Variants in NLRP4 observed in about 807,000 individuals in gnomAD.
The protein encoded by NLRP4 is NLR family pyrin domain containing 4, also known as NACHT, LRR and PYD domains-containing protein 4.
NLRP4 carries 44 observed loss-of-function variants against 84.7 expected under a neutral mutation model. That is an observed-to-expected ratio of 0.52 (90% CI 0.41 to 0.67). The LOEUF (loss-of-function observed/expected upper bound fraction) is 0.67. NLRP4 is among the 30% of genes least tolerant of loss of function. The pLI is 0.00. For synonymous variants in NLRP4, 544 were observed against 476.4 expected (o/e 1.14, Z -1.85); for missense variants, 1,260 against 1,219.4 (o/e 1.03, Z -0.50).
rs1984194202 is a variant in NLRP4, at chr19:55,852,246, G to A, written c.166G>A (p.Ala56Thr). The change falls in exon 2 of 10, where the codon GCA becomes ACA. Residue 56 changes from alanine (A) to threonine (T), a missense_variant. By Grantham distance (58) the Ala-to-Thr change is moderately conservative. Transcript: ENST00000301295. ...EVKKASREELANLLIKHYEEQ... is the reference protein window; with the variant it reads ...EVKKASREELTNLLIKHYEEQ... The stretch of plus-strand genomic sequence containing the variant: ...CAAAAAAGCATCCCGGGAAGAACTT[G>A]CAAACCTCTTGATCAAGCACTATGA... 6.2e-7 allele frequency: 1 copy of A among 1,609,560 alleles called. No homozygotes were observed. The highest frequency in any genetic ancestry group is 8.5e-7 in the Non-Finnish European group (1 of 1,178,720).
chr19:55,859,208 C>T lies in NLRP4; in HGVS notation c.1815C>T (p.Ser605=), dbSNP rs143787739. Residue 605 remains serine (S), a synonymous_variant, in exon 3 of 10, where the codon TCC becomes TCT. Transcript: ENST00000301295. ...CCAGCTTGAGGAAACTCTGTTTTTC[C>T]GTTCAAAATGTCTTTAAGAAAGAGG... The part of the protein sequence containing the change: ...YCSSLRKLCF[S]VQNVFKKEDE... The T allele has an allele frequency of 2.3e-4, 369 of 1,606,796 alleles. No homozygotes were observed. The highest frequency in any genetic ancestry group is 5.8e-4 in the Admixed American group (35 of 59,884).
chr19:55,871,701 A>G (rs1276571504), intron 7 of NLRP4, among the ~76,000 whole-genome samples: 1 of 152,216 alleles, frequency 6.6e-6, no homozygotes, highest in Non-Finnish European at 1.5e-5. Context: ...GTTAAATAAC[A>G]TAACAAAAAC....
At chr19:55,856,749 C>T (rs1264277177) in intron 2 of NLRP4, among the ~76,000 whole-genome samples, 2 of 152,014 alleles carry the variant, frequency 1.3e-5, no homozygotes, top group Non-Finnish European at 2.9e-5. Flanking sequence ...CTCTTGACTT[C>T]ATGATCTGCC....
Position 55,858,125 on chromosome 19 carries a change from T to C in NLRP4, c.732T>C (p.Asp244=). ...EELQGGLNEP[D]SDLCGDLMEK... is the part of the protein sequence containing the mutation. ...TGCAGGGCGGCTTGAACGAACCCGA[T>C]TCGGATCTGTGTGGTGACTTGATGG... is the stretch of plus-strand genomic sequence containing the variant. Residue 244 remains aspartate, a synonymous_variant, in exon 3 of 10, where the codon GAT becomes GAC. Coordinates refer to ENST00000301295, the MANE Select transcript of NLRP4 (RefSeq NM_134444.5). The surrounding 1 kb of genome is among the most constrained non-coding windows in gnomAD (Gnocchi z 4.2). The C allele has an allele frequency of 6.2e-7, 1 of 1,614,100 alleles. No individual in the cohort carries two copies. Among genetic ancestry groups the C allele is most frequent in the Non-Finnish European group, 8.5e-7 (1 of 1,180,014 alleles).
At chr19:55,838,831 A>G (rs1382779300) in intron 1 of NLRP4, among the ~76,000 whole-genome samples, 1 of 152,200 alleles carries the variant, frequency 6.6e-6, no homozygotes, top group Non-Finnish European at 1.5e-5. Flanking sequence ...ACCACACTAT[A>G]TAAAAAACAG....
At chr19:55,877,820 C>T (rs1488339431) in intron 8 of NLRP4, among the ~76,000 whole-genome samples, 4 of 152,036 alleles carry the variant, frequency 2.6e-5, no homozygotes, top group Non-Finnish European at 2.9e-5. Flanking sequence ...GATTAGAATC[C>T]CCCCAGTGTC....
intron 3 of NLRP4, among the ~76,000 whole-genome samples, chr19:55,859,957 A>C (rs1257803397): frequency 2.2e-5 from 3 of 138,602 alleles, no homozygotes; most frequent in African/African-American, 5.3e-5. Context: ...AAAAAACAAA[A>C]CACAAATCAT....
intron 9 of NLRP4, among the ~76,000 whole-genome samples, chr19:55,880,789 AT>A (rs1254899778): frequency 1.3e-5 from 2 of 152,186 alleles, no homozygotes; most frequent in African/African-American, 4.8e-5. Flanking sequence ...TTGAATTTGT[AT>A]CCAGACTACC....
At chr19:55,876,777 A>T (rs923643545) in intron 7 of NLRP4, among the ~76,000 whole-genome samples, 4 of 151,910 alleles carry the variant, frequency 2.6e-5, no homozygotes, top group African/African-American at 9.7e-5. Context: ...GTTATACTCT[A>T]TTGGTTTTTT....
chr19:55,870,851 G>A lies in NLRP4; in HGVS notation c.2379G>A (p.Glu793=). Residue 793 remains glutamate (E), a synonymous_variant, in exon 7 of 10, where the codon GAG becomes GAA. Coordinates refer to ENST00000301295, the MANE Select transcript of NLRP4 (RefSeq NM_134444.5). ...GGTTGGCTTTCTGCCACCTCAGCGA[G>A]CAGTGCTGCGAATACATCTCTGAAA... is the stretch of plus-strand genomic sequence containing the variant. ...YLMLAFCHLS[E]QCCEYISEML... is the part of the protein sequence containing the mutation. 1.2e-6 allele frequency: 2 copies of A among 1,613,926 alleles called. No homozygotes were observed. The highest frequency in any genetic ancestry group is 1.1e-5 in the South Asian group (1 of 91,068).
Position 55,872,070 on chromosome 19 carries a change from A to G in NLRP4, c.2525+1073A>G, listed in dbSNP as rs183477771. ...TCACTGTGCTAGCCAGGATGGTCTC[A>G]ATCTCCTGATCTCGTGATCCGCCCG... On this transcript the variant is annotated intron_variant, in intron 7 of 9. Coordinates refer to ENST00000301295, the MANE Select transcript of NLRP4 (RefSeq NM_134444.5). Among the ~76,000 whole-genome samples the G allele has an allele frequency of 1.7e-3, 265 of 151,992 alleles. 4 individuals carry two copies. In the East Asian group the frequency reaches 0.024, roughly 14 times the overall value.
rs756207808 is a variant in NLRP4, at chr19:55,853,907, TTC to T, written c.280+1551_280+1552del. Reference sequence around the variant, plus strand: ...TATCTCTTTCTCTCTCTCTCTCTCTTTCTCTTTCTTTCTCTTTCTCTTTCTCT... The same window carrying T: ...TATCTCTTTCTCTCTCTCTCTCTCTTTCTTTCTTTCTCTTTCTCTTTCTCT... On this transcript the variant is annotated intron_variant, in intron 2 of 9. Coordinates refer to ENST00000301295, the MANE Select transcript of NLRP4 (RefSeq NM_134444.5). 2.9e-4 allele frequency among the ~76,000 whole-genome samples: 32 copies of T among 111,620 alleles called. 3 individuals carry two copies. Among genetic ancestry groups the T allele is most frequent in the African/African-American group, 1.9e-3 (32 of 17,126 alleles). 73.2% of individuals were successfully genotyped at this position (111,620 alleles called of 152,430 possible).
intron 5 of NLRP4, among the ~76,000 whole-genome samples, chr19:55,864,043 A>G (rs1386122007): frequency 1.3e-5 from 2 of 152,200 alleles, no homozygotes; most frequent in Non-Finnish European, 2.9e-5. Flanking sequence ...ACCACAAAAC[A>G]TATACTTTTA....
At chr19:55,851,910 C>T (rs1231130275) in intron 1 of NLRP4, 106 bp from the exon 2 acceptor site, 1 of 570,054 alleles carries the variant, frequency 1.8e-6, no homozygotes, top group Non-Finnish European at 3.0e-6. Context: ...AATTAAATAA[C>T]TTTCCGCCTT....
At position 55,867,772 on chromosome 19, in the gene NLRP4, C is replaced by G. The variant is rs749004302; in HGVS notation, c.2250C>G (p.Asn750Lys). 2.5e-6 allele frequency: 4 copies of G among 1,614,100 alleles called. No individual in the cohort carries two copies. Among genetic ancestry groups the G allele is most frequent in the South Asian group, 1.1e-5 (1 of 91,082 alleles). The change falls in exon 6 of 10, where the codon AAC becomes AAG. Residue 750 changes from asparagine (N) to lysine (K), a missense_variant. Asn to Lys is a moderately conservative substitution (Grantham distance 94, BLOSUM62 0). Transcript: ENST00000301295. The stretch of plus-strand genomic sequence containing the variant: ...TCCTTGCTGGCCTTCTAACCAACAA[C>G]AAGAAGCTGACGTATCTGAATGTAT... ...CEVLAGLLTN[N>K]KKLTYLNVSC...
intron 1 of NLRP4, among the ~76,000 whole-genome samples, chr19:55,848,721 G>T (rs1600221605): frequency 6.6e-6 from 1 of 152,128 alleles, no homozygotes; most frequent in African/African-American, 2.4e-5. Context: ...TCTTTAAAAA[G>T]AAGTCTCTAT....
At position 55,859,199 on chromosome 19, in the gene NLRP4, C is replaced by T. The variant is rs779585523; in HGVS notation, c.1806C>T (p.Leu602=). ...CLKYCSSLRK[L]CFSVQNVFKK... is the part of the protein sequence containing the mutation. ...AATACTGCTCCAGCTTGAGGAAACTCTGTTTTTCCGTTCAAAATGTCTTTA... is the reference window on the plus strand; with the variant it reads ...AATACTGCTCCAGCTTGAGGAAACTTTGTTTTTCCGTTCAAAATGTCTTTA... The change falls in exon 3 of 10, where the codon CTC becomes CTT. Residue 602 remains leucine (L), a synonymous_variant. Coordinates refer to ENST00000301295, the MANE Select transcript of NLRP4 (RefSeq NM_134444.5). 1.9e-6 allele frequency: 3 copies of T among 1,608,176 alleles called. No homozygotes were observed. The Admixed American group carries it at 5.0e-5, about 27-fold the overall frequency.
intron 1 of NLRP4, among the ~76,000 whole-genome samples, chr19:55,847,548 G>A (rs1268452277): frequency 6.6e-6 from 1 of 152,060 alleles, no homozygotes; most frequent in African/African-American, 2.4e-5. Flanking sequence ...TTTAGACACA[G>A]AAAAGTTTGC....
intron 9 of NLRP4, among the ~76,000 whole-genome samples, chr19:55,880,343 C>T (rs1985540933): frequency 6.6e-6 from 1 of 152,202 alleles, no homozygotes; most frequent in East Asian, 1.9e-4. Flanking sequence ...GGGAAGGACT[C>T]AAATTGTCTG....
Sources: gnomAD v4.1 joint callset for allele counts (sites outside exome capture counted in the v4.1 genomes callset) on GRCh38, gnomAD v4.1.1 for gene constraint, Gnocchi (gnomAD v3.1) non-coding constraint, MANE v1.5 for transcripts, NCBI Gene and HGNC (gene_info 2026-07-23, HGNC 2026-07-21) for gene names.